Variants in PLCG1 observed in about 807,000 individuals in gnomAD.
PLCG1 encodes phospholipase C gamma 1.
In PLCG1, 71 loss-of-function variants were observed where a neutral mutation model predicts 177.8. The observed-to-expected ratio is 0.40, with a 90% CI of 0.33 to 0.49. PLCG1 has a LOEUF of 0.49. Ranked by LOEUF, PLCG1 falls within the 20% of genes least tolerant of loss-of-function variation. The pLI is 0.72. For missense variants in PLCG1, 1,281 were observed against 1,709.0 expected (o/e 0.75, Z 4.42); for synonymous variants, 658 against 647.9 (o/e 1.02, Z -0.24).
At position 41,164,735 on chromosome 20, in the gene PLCG1, C is replaced by T. The variant is rs1039846996; in HGVS notation, c.1218-198C>T. Among the ~76,000 whole-genome samples the T allele has an allele frequency of 6.6e-6, 1 of 152,212 alleles. No individual in the cohort carries two copies. Among genetic ancestry groups the T allele is most frequent in the Admixed American group, 6.5e-5 (1 of 15,286 alleles). On this transcript the variant is annotated intron_variant, in intron 12 of 31. Transcript: ENST00000685551. The surrounding 1 kb of genome is among the most constrained non-coding windows in gnomAD (Gnocchi z 6.4). ...CAGCTCGGGACTGCATCAGTTGCCA[C>T]CCTTTGGTTTCCACTGCTGCCACAG...
rs2035955961 is a variant in PLCG1, at chr20:41,173,144, A to T, written c.3279+267A>T. On this transcript the variant is annotated intron_variant, in intron 27 of 31. Transcript: ENST00000685551. This position sits in a 1 kb window ranked among gnomAD's most constrained non-coding sequence, Gnocchi z 6.2. Reference sequence around the variant, plus strand: ...TCCCTAAGGGGAGGTCATTTAAAAGATTTCTGTGTTAAAATAGTAATGGAT... The same window carrying T: ...TCCCTAAGGGGAGGTCATTTAAAAGTTTTCTGTGTTAAAATAGTAATGGAT... Among the ~76,000 whole-genome samples the T allele has an allele frequency of 6.6e-6, 1 of 152,080 alleles. No individual in the cohort carries two copies. The highest frequency in any genetic ancestry group is 1.5e-5 in the Non-Finnish European group (1 of 68,008).
chr20:41,150,168 C>A lies in PLCG1; in HGVS notation c.218-9438C>A, dbSNP rs924321499. Among the ~76,000 whole-genome samples, 2 of 151,988 alleles carry A rather than the reference C, an allele frequency of 1.3e-5. No homozygotes were observed. Among genetic ancestry groups the A allele is most frequent in the African/African-American group, 4.8e-5 (2 of 41,376 alleles). On this transcript the variant is annotated intron_variant, in intron 1 of 31. Coordinates refer to ENST00000685551, the MANE Select transcript of PLCG1 (RefSeq NM_002660.3). The surrounding 1 kb of genome is among the most constrained non-coding windows in gnomAD (Gnocchi z 4.0). ...TGGTGCCACTGCACTCCAGCCTGGA[C>A]AACAGAGTGACTTATGGGCCAGGCA...
chr20:41,138,287 GA>G (rs1270316713), intron 1 of PLCG1, among the ~76,000 whole-genome samples: 2 of 151,980 alleles, frequency 1.3e-5, no homozygotes, highest in Non-Finnish European at 2.9e-5. Context: ...AGCAGTCTGT[GA>G]AACTCTCCGG....
rs1387760421 is a variant in PLCG1, at chr20:41,153,203, C to T, written c.218-6403C>T. On this transcript the variant is annotated intron_variant, in intron 1 of 31. Transcript: ENST00000685551. This position sits in a 1 kb window ranked among gnomAD's most constrained non-coding sequence, Gnocchi z 5.1. The stretch of plus-strand genomic sequence containing the variant: ...TTTTTTAAGTTACAAAATTTCTTTA[C>T]TCCATGCATGTTTAAATGGATAGTT... Among the ~76,000 whole-genome samples the T allele has an allele frequency of 6.6e-6, 1 of 152,196 alleles. No individual in the cohort carries two copies. The highest frequency in any genetic ancestry group is 1.5e-5 in the Non-Finnish European group (1 of 68,036).
At chr20:41,162,895 A>G in intron 6 of PLCG1, 63 bp from the exon 7 acceptor site, 1 of 1,511,266 alleles carries the variant, frequency 6.6e-7, no homozygotes, top group Middle Eastern at 1.7e-4. Flanking sequence ...CTGCCTTCTT[A>G]CTAGCCCATT....
At chr20:41,141,939 G>A (rs1424162660) in intron 1 of PLCG1, among the ~76,000 whole-genome samples, 1 of 152,204 alleles carries the variant, frequency 6.6e-6, no homozygotes, top group Admixed American at 6.5e-5. Flanking sequence ...TTGGCTACCA[G>A]CTTTGCTCTG....
At chr20:41,149,166 C>T (rs974792149) in intron 1 of PLCG1, among the ~76,000 whole-genome samples, 2 of 152,240 alleles carry the variant, frequency 1.3e-5, no homozygotes, top group Non-Finnish European at 2.9e-5. Context: ...GTAACTACTT[C>T]ATCCTCTACT....
chr20:41,145,283 A>G (rs2034962665), intron 1 of PLCG1, among the ~76,000 whole-genome samples: 1 of 152,166 alleles, frequency 6.6e-6, no homozygotes. Flanking sequence ...TGGGCAAACT[A>G]GGCTGGAGAG....
At position 41,172,247 on chromosome 20, in the gene PLCG1, G is replaced by C; in HGVS notation, c.2863G>C (p.Glu955Gln). Reference sequence around the variant, plus strand: ...GAAGAAGATTGCCCTGGAGCTCTCTGAACTTGTCGTCTACTGCCGGCCTGT... The same window carrying C: ...GAAGAAGATTGCCCTGGAGCTCTCTCAACTTGTCGTCTACTGCCGGCCTGT... ...RRKKIALELS[E>Q]LVVYCRPVPF... The change falls in exon 25 of 32, where the codon GAA (glutamate) becomes CAA (glutamine). Residue 955 changes from glutamate to glutamine, a missense_variant. Glu to Gln is a conservative substitution (Grantham distance 29, BLOSUM62 2). Around this residue, in one of 4 missense-constraint regions of PLCG1, gnomAD observed 723 missense variants for 1,030.0 expected, o/e 0.70. Coordinates refer to ENST00000685551, the MANE Select transcript of PLCG1 (RefSeq NM_002660.3). This position sits in a 1 kb window ranked among gnomAD's most constrained non-coding sequence, Gnocchi z 7.0. 1 of 1,614,190 alleles carries C rather than the reference G, an allele frequency of 6.2e-7. No individual in the cohort carries two copies. The highest frequency in any genetic ancestry group is 8.5e-7 in the Non-Finnish European group (1 of 1,179,996).
rs1196549328 is a variant in PLCG1, at chr20:41,164,051, C to G, written c.1097-30C>G. Reference sequence around the variant, plus strand: ...GGGGGAGGGAAGATGGGAGGCCTGCCCGCTTGACCATGGTGATGTTGCTCC... The same window carrying G: ...GGGGGAGGGAAGATGGGAGGCCTGCGCGCTTGACCATGGTGATGTTGCTCC... On this transcript the variant is annotated intron_variant, in intron 11 of 31. Transcript: ENST00000685551. This position sits in a 1 kb window ranked among gnomAD's most constrained non-coding sequence, Gnocchi z 6.4. The G allele has an allele frequency of 6.2e-7, 1 of 1,614,146 alleles. No individual in the cohort carries two copies. The highest frequency in any genetic ancestry group is 1.1e-5 in the South Asian group (1 of 91,088).
At chr20:41,141,619 A>T (rs1002556768) in intron 1 of PLCG1, among the ~76,000 whole-genome samples, 1 of 152,244 alleles carries the variant, frequency 6.6e-6, no homozygotes, top group Admixed American at 6.5e-5. Context: ...GCAGGAGCAC[A>T]TGTCCGGATC....
At position 41,137,621 on chromosome 20, in the gene PLCG1, G is replaced by GCCGCCC. The variant is rs1000440541; in HGVS notation, c.-18_-13dup. On this transcript the variant is annotated 5_prime_UTR_variant, in exon 1 of 32. Coordinates refer to ENST00000685551, the MANE Select transcript of PLCG1 (RefSeq NM_002660.3). The surrounding 1 kb of genome is among the most constrained non-coding windows in gnomAD (Gnocchi z 7.3). ...CCGGGCGGTCCTGGCCTGTGCCGCCGCCGCCCCCAGCGTCGGAGCCATGGC... is the reference window on the plus strand; with the variant it reads ...CCGGGCGGTCCTGGCCTGTGCCGCCGCCGCCCCCGCCCCCAGCGTCGGAGCCATGGC... 76 of 1,308,838 alleles carry GCCGCCC rather than the reference G, an allele frequency of 5.8e-5. No individual in the cohort carries two copies. Among genetic ancestry groups the GCCGCCC allele is most frequent in the Non-Finnish European group, 6.8e-5 (70 of 1,026,386 alleles). The allele number at this position is 1,308,838 out of a possible 1,614,324, so 81.1% of individuals were successfully genotyped here. A position where few individuals can be genotyped will look rare whatever the true frequency, so the allele number is the denominator to read the frequency against.
At chr20:41,162,798 C>A in intron 6 of PLCG1, 73 bp downstream of exon 6, 1 of 1,421,812 alleles carries the variant, frequency 7.0e-7, no homozygotes, top group South Asian at 1.2e-5. Flanking sequence ...CTGCCTGCCT[C>A]AGCCCTGCTG....
Position 41,175,765 on chromosome 20 carries a change from C to T in PLCG1, c.*1256C>T, listed in dbSNP as rs1323645964. 1 of 152,648 alleles carries T rather than the reference C, an allele frequency of 6.6e-6. No individual in the cohort carries two copies. Among genetic ancestry groups the T allele is most frequent in the Non-Finnish European group, 1.5e-5 (1 of 68,034 alleles). The allele number at this position is 152,648 out of a possible 1,614,324, so 9.5% of individuals were successfully genotyped here. A position where few individuals can be genotyped will look rare whatever the true frequency, so the allele number is the denominator to read the frequency against. Reference sequence around the variant, plus strand: ...TTCGGGGGCTCAGGAAAGCCTGTTGCATGGGACATGCTCACTAGAAACAGT... The same window carrying T: ...TTCGGGGGCTCAGGAAAGCCTGTTGTATGGGACATGCTCACTAGAAACAGT... On this transcript the variant is annotated 3_prime_UTR_variant, in exon 32 of 32. Coordinates refer to ENST00000685551, the MANE Select transcript of PLCG1 (RefSeq NM_002660.3).
chr20:41,168,057 G>A (rs2035762115), intron 20 of PLCG1, 128 bp downstream of exon 20: 1 of 702,964 alleles, frequency 1.4e-6, no homozygotes, highest in East Asian at 2.7e-5. Flanking sequence ...CGAGGCCCAA[G>A]AGGTTGTGAG....
Position 41,175,224 on chromosome 20 carries a change from G to C in PLCG1, c.*715G>C, listed in dbSNP as rs2036026721. On this transcript the variant is annotated 3_prime_UTR_variant, in exon 32 of 32. Transcript: ENST00000685551. ...CTCACCCCTGTAGGGAAACCTTGGAGAGGAGAGTGGCAGGTGGGCTGCCTG... is the reference window on the plus strand; with the variant it reads ...CTCACCCCTGTAGGGAAACCTTGGACAGGAGAGTGGCAGGTGGGCTGCCTG... 2.0e-5 allele frequency: 3 copies of C among 152,234 alleles called. No homozygotes were observed. The highest frequency in any genetic ancestry group is 4.4e-5 in the Non-Finnish European group (3 of 67,972). The allele number at this position is 152,234 out of a possible 1,614,324, so 9.4% of individuals were successfully genotyped here.
At position 41,172,979 on chromosome 20, in the gene PLCG1, G is replaced by C. The variant is rs1398469182; in HGVS notation, c.3279+102G>C. 1.1e-5 allele frequency: 14 copies of C among 1,250,488 alleles called. No individual in the cohort carries two copies. The highest frequency in any genetic ancestry group is 1.4e-5 in the Non-Finnish European group (13 of 902,924). 77.5% of individuals were successfully genotyped at this position (1,250,488 alleles called of 1,614,324 possible). ...AAAAGTAGGTATTTTCAGGCATCAA[G>C]GTGGTCAGGGTGGGTGGGGCCTGAG... On this transcript the variant is annotated intron_variant, in intron 27 of 31. Coordinates refer to ENST00000685551, the MANE Select transcript of PLCG1 (RefSeq NM_002660.3). This position sits in a 1 kb window ranked among gnomAD's most constrained non-coding sequence, Gnocchi z 7.0.
intron 22 of PLCG1, 75 bp from the exon 23 acceptor site, chr20:41,169,382 C>T (rs1364327785): frequency 3.4e-6 from 4 of 1,180,762 alleles, no homozygotes; most frequent in African/African-American, 3.0e-5. Flanking sequence ...ATGTATTTGT[C>T]CCATGCACAC....
chr20:41,156,606 T>C lies in PLCG1; in HGVS notation c.218-3000T>C, dbSNP rs1220038547. 3.3e-5 allele frequency among the ~76,000 whole-genome samples: 5 copies of C among 152,220 alleles called. No individual in the cohort carries two copies. The highest frequency in any genetic ancestry group is 2.6e-4 in the Admixed American group (4 of 15,288). ...GCCTCTTCGTACCCCTGGCTTTTCTTTTCCCCAGAGTTCCCCTGAATGTTG... is the reference window on the plus strand; with the variant it reads ...GCCTCTTCGTACCCCTGGCTTTTCTCTTCCCCAGAGTTCCCCTGAATGTTG... On this transcript the variant is annotated intron_variant, in intron 1 of 31. Coordinates refer to ENST00000685551, the MANE Select transcript of PLCG1 (RefSeq NM_002660.3). The surrounding 1 kb of genome is among the most constrained non-coding windows in gnomAD (Gnocchi z 5.0).
Sources: allele counts gnomAD v4.1 joint callset (sites outside exome capture counted in the v4.1 genomes callset), GRCh38; gene constraint gnomAD v4.1.1; regional missense constraint gnomAD v4.1.1; non-coding constraint Gnocchi (gnomAD v3.1); transcripts MANE v1.5; gene names NCBI Gene and HGNC (gene_info 2026-07-23, HGNC 2026-07-21).